Variants in COL26A1 observed in about 807,000 individuals in gnomAD.
COL26A1 encodes collagen alpha-1(XXVI) chain.
COL26A1 carries 41 observed loss-of-function variants against 59.3 expected under a neutral mutation model. The ratio of observed to expected loss-of-function variants is 0.69; its 90% confidence interval spans 0.54 to 0.90. The LOEUF is 0.90. Among genes scored for constraint, COL26A1 ranks in the 40% least tolerant of loss-of-function variants. COL26A1 has a pLI of 0.00. For missense variants in COL26A1, 612 were observed against 602.3 expected (o/e 1.02, Z -0.17); for synonymous variants, 266 against 256.0 (o/e 1.04, Z -0.37).
chr7:101,472,860 G>A (rs1667291257), intron 3 of COL26A1, among the ~76,000 whole-genome samples: 1 of 152,108 alleles, frequency 6.6e-6, no homozygotes, highest in South Asian at 2.1e-4. Context: ...TGGGTCTCCT[G>A]TTCCCACAAG....
chr7:101,452,940 T>A (rs1793378946), intron 3 of COL26A1, among the ~76,000 whole-genome samples: 1 of 152,110 alleles, frequency 6.6e-6, no homozygotes. Flanking sequence ...AATTATTGTA[T>A]TTTTAGTAGA....
chr7:101,553,239 C>T, intron 10 of COL26A1, 87 bp from the exon 11 acceptor site: 2 of 1,231,352 alleles, frequency 1.6e-6, no homozygotes, highest in Admixed American at 1.8e-5. Context: ...CTGCCCCTGA[C>T]TCCCTGCAGG....
chr7:101,468,940 AC>A (rs1793829391), intron 3 of COL26A1, among the ~76,000 whole-genome samples: 2 of 152,206 alleles, frequency 1.3e-5, no homozygotes, highest in Non-Finnish European at 2.9e-5. Context: ...CACCGGGTGG[AC>A]CTTGGCCAAG....
intron 4 of COL26A1, among the ~76,000 whole-genome samples, chr7:101,536,162 T>C (rs540145266): frequency 6.6e-6 from 1 of 152,340 alleles, no homozygotes; most frequent in Admixed American, 6.5e-5. Context: ...ATTACAGGTG[T>C]GATCCACCAC....
intron 3 of COL26A1, among the ~76,000 whole-genome samples, chr7:101,499,889 A>AC (rs1374088707): frequency 1.7e-5 from 2 of 120,000 alleles, no homozygotes; most frequent in Non-Finnish European, 3.5e-5. Flanking sequence ...TAAAAAAAAA[A>AC]AAAAAAACAC....
chr7:101,389,779 C>T (rs1791682653), intron 1 of COL26A1, among the ~76,000 whole-genome samples: 1 of 152,052 alleles, frequency 6.6e-6, no homozygotes, highest in South Asian at 2.1e-4. Context: ...TCTCGAACTC[C>T]CAACCTCAGG....
At chr7:101,494,842 C>T (rs192190825) in intron 3 of COL26A1, among the ~76,000 whole-genome samples, 1 of 152,180 alleles carries the variant, frequency 6.6e-6, no homozygotes, top group Non-Finnish European at 1.5e-5. Flanking sequence ...CTGCCCAGAG[C>T]GTACACTGCA....
intron 10 of COL26A1, among the ~76,000 whole-genome samples, chr7:101,552,974 TGGAGACAG>T (rs1562803308): frequency 3.3e-5 from 5 of 152,176 alleles, no homozygotes; most frequent in African/African-American, 1.2e-4. Context: ...GGCCTTGTGT[TGGAGACAG>T]ACAGCAGCCC....
At chr7:101,501,227 A>AG (rs1262534473) in intron 3 of COL26A1, among the ~76,000 whole-genome samples, 1 of 151,490 alleles carries the variant, frequency 6.6e-6, no homozygotes, top group East Asian at 1.9e-4. Flanking sequence ...GAAAAAAAAA[A>AG]AAAAAAGAAA....
chr7:101,491,257 T>A (rs990701291), intron 3 of COL26A1, among the ~76,000 whole-genome samples: 6 of 151,360 alleles, frequency 4.0e-5, no homozygotes, highest in Non-Finnish European at 8.8e-5. Context: ...CGTGCAGGGG[T>A]GTCGTATTGG....
intron 2 of COL26A1, among the ~76,000 whole-genome samples, chr7:101,438,815 C>T (rs369519428): frequency 1.2e-4 from 18 of 151,506 alleles, no homozygotes; most frequent in African/African-American, 2.9e-4. Context: ...GGATCACAGG[C>T]GTGCACAACC....
At chr7:101,456,961 G>GT (rs1209751754) in intron 3 of COL26A1, among the ~76,000 whole-genome samples, 2 of 152,182 alleles carry the variant, frequency 1.3e-5, no homozygotes, top group African/African-American at 4.8e-5. Flanking sequence ...TGAGACCGTG[G>GT]TATTACAGTA....
intron 3 of COL26A1, among the ~76,000 whole-genome samples, chr7:101,511,775 A>G (rs1288454849): frequency 2.0e-5 from 3 of 152,154 alleles, no homozygotes; most frequent in Non-Finnish European, 2.9e-5. Context: ...GGAGGATTGC[A>G]TAAGCACGGG....
At chr7:101,402,627 TTCTC>T (rs1414058069) in intron 1 of COL26A1, among the ~76,000 whole-genome samples, 1 of 127,882 alleles carries the variant, frequency 7.8e-6, no homozygotes, top group Admixed American at 8.0e-5. Flanking sequence ...TTCTCTTTCT[TTCTC>T]CCCTCCCCTC....
intron 1 of COL26A1, among the ~76,000 whole-genome samples, chr7:101,404,791 A>G (rs868429593): frequency 2.0e-5 from 3 of 150,840 alleles, no homozygotes; most frequent in Non-Finnish European, 4.4e-5. Context: ...GGTTCCAGCT[A>G]CGCAGGAGGC....
intron 3 of COL26A1, among the ~76,000 whole-genome samples, chr7:101,473,491 G>GA (rs952212986): frequency 3.4e-4 from 52 of 151,610 alleles, no homozygotes; most frequent in African/African-American, 1.3e-3. Context: ...CTCTAGTTGT[G>GA]AAGTTTTGGA....
intron 1 of COL26A1, among the ~76,000 whole-genome samples, chr7:101,383,115 A>G (rs1442463680): frequency 6.6e-6 from 1 of 151,364 alleles, no homozygotes; most frequent in Non-Finnish European, 1.5e-5. Flanking sequence ...CTGCTGCTCC[A>G]TTGACTCAGA....
At chr7:101,478,308 C>G (rs182947998) in intron 3 of COL26A1, among the ~76,000 whole-genome samples, 1 of 152,206 alleles carries the variant, frequency 6.6e-6, no homozygotes, top group Non-Finnish European at 1.5e-5. Flanking sequence ...AAAACACAAA[C>G]CTTTCTGTGA....
In COL26A1 at chr7:101,466,837, T is replaced by TGTGTGTGTGTGA. The variant is rs764059657; in HGVS notation, c.385+19051_385+19052insTGTGTGTGTGAG. The stretch of plus-strand genomic sequence containing the variant: ...GTGTGTGTGTGTGTGTGTGTGTGTG[T>TGTGTGTGTGTGA]GAGAGAGAGAGATTCAGTCTCTGCC... On this transcript the variant is annotated intron_variant, in intron 3 of 12. Coordinates refer to ENST00000313669, the MANE Select transcript of COL26A1 (RefSeq NM_001278563.3). Among the ~76,000 whole-genome samples, 984 of 122,622 alleles carry TGTGTGTGTGTGA rather than the reference T, an allele frequency of 8.0e-3. 7 individuals carry two copies. Among genetic ancestry groups the TGTGTGTGTGTGA allele is most frequent in the African/African-American group, 0.014 (451 of 31,458 alleles). 80.4% of individuals were successfully genotyped at this position (122,622 alleles called of 152,430 possible). A position where few individuals can be genotyped will look rare whatever the true frequency, so the allele number is the denominator to read the frequency against.
Sources: gnomAD v4.1 joint callset for allele counts (sites outside exome capture counted in the v4.1 genomes callset) on GRCh38, gnomAD v4.1.1 for gene constraint, MANE v1.5 for transcripts, NCBI Gene and HGNC (gene_info 2026-07-23, HGNC 2026-07-21) for gene names.